SUCLA2: variants seen among roughly 807,000 people sequenced by gnomAD.
SUCLA2 encodes succinate-CoA ligase ADP-forming subunit beta.
In SUCLA2, 30 loss-of-function variants were observed where a neutral mutation model predicts 54.8. The observed-to-expected ratio is 0.55, with a 90% CI of 0.41 to 0.74. The LOEUF (loss-of-function observed/expected upper bound fraction) is 0.74. Ranked by LOEUF, SUCLA2 falls within the 30% of genes least tolerant of loss-of-function variation. The pLI is 0.00. For synonymous variants in SUCLA2, 172 were observed against 188.9 expected, an observed-to-expected ratio of 0.91 and a Z score of 0.74; for missense variants, 476 against 562.9, an observed-to-expected ratio of 0.85 and a Z score of 1.56.
Position 47,943,251 on chromosome 13 carries a change from T to C in SUCLA2, c.*120A>G. ...GTCCAAATCCTTTTAAATGTTTGTG[T>C]GCCTAGATGGCAATTACAATCTCCA... is the stretch of plus-strand genomic sequence containing the variant. On this transcript the variant is annotated 3_prime_UTR_variant, in exon 11 of 11. Transcript: ENST00000646932. 1.0e-6 allele frequency: 1 copy of C among 967,844 alleles called. No homozygotes were observed. Among genetic ancestry groups the C allele is most frequent in the Non-Finnish European group, 1.7e-6 (1 of 595,402 alleles). 60.0% of individuals were successfully genotyped at this position (967,844 alleles called of 1,614,324 possible).
intron 6 of SUCLA2, among the ~76,000 whole-genome samples, chr13:47,955,237 T>G (rs1373994457): frequency 1.3e-5 from 2 of 152,162 alleles, no homozygotes; most frequent in Non-Finnish European, 2.9e-5. Context: ...GGTCTCGTTC[T>G]CACACCCAGA....
In SUCLA2 at chr13:47,943,359, T is replaced by C; in HGVS notation, c.*12A>G. ...ACATTTAACACCTTCAGCCATCCAC[T>C]GGGTTTTCAGATCATATTGGCAACT... On this transcript the variant is annotated 3_prime_UTR_variant, in exon 11 of 11. Transcript: ENST00000646932. 5.0e-6 allele frequency: 8 copies of C among 1,613,256 alleles called. No homozygotes were observed. Among genetic ancestry groups the C allele is most frequent in the Non-Finnish European group, 6.8e-6 (8 of 1,179,300 alleles).
At chr13:47,982,527 T>C (rs1025179952) in intron 4 of SUCLA2, among the ~76,000 whole-genome samples, 3 of 152,112 alleles carry the variant, frequency 2.0e-5, no homozygotes, top group Non-Finnish European at 4.4e-5. Context: ...ATATCTGTTC[T>C]GGAGATGTTG....
intron 2 of SUCLA2, among the ~76,000 whole-genome samples, chr13:47,992,652 T>C (rs1437315339): frequency 6.6e-6 from 1 of 152,240 alleles, no homozygotes; most frequent in African/African-American, 2.4e-5. Flanking sequence ...AAGATCTTTT[T>C]TGGATCCCAA....
chr13:47,988,323 A>G (rs1036109964), intron 4 of SUCLA2: 5 of 554,988 alleles, frequency 9.0e-6, no homozygotes, highest in Non-Finnish European at 1.5e-5. Context: ...ATTACAGCAG[A>G]ATTTTTCCTA....
At chr13:47,996,470 A>G (rs1950192375) in intron 2 of SUCLA2, among the ~76,000 whole-genome samples, 2 of 152,148 alleles carry the variant, frequency 1.3e-5, no homozygotes, top group African/African-American at 2.4e-5. Flanking sequence ...ATAAGCACAT[A>G]AACAGCTAAG....
intron 6 of SUCLA2, among the ~76,000 whole-genome samples, chr13:47,963,522 G>A (rs1315397812): frequency 6.6e-6 from 1 of 152,162 alleles, no homozygotes; most frequent in Non-Finnish European, 1.5e-5. Flanking sequence ...GCACGTGCCT[G>A]TAATCCCAGC....
intron 4 of SUCLA2, among the ~76,000 whole-genome samples, chr13:47,984,971 T>C (rs776024513): frequency 6.6e-6 from 1 of 152,142 alleles, no homozygotes; most frequent in Non-Finnish European, 1.5e-5. Context: ...ATTTATTAAA[T>C]AGACTTGACT....
At chr13:47,997,197 C>G (rs1197305038) in intron 1 of SUCLA2, among the ~76,000 whole-genome samples, 174 bp from the exon 2 acceptor site, 1 of 152,226 alleles carries the variant, frequency 6.6e-6, no homozygotes, top group African/African-American at 2.4e-5. Context: ...CTAAATATCA[C>G]TGTTACCACT....
intron 6 of SUCLA2, among the ~76,000 whole-genome samples, chr13:47,957,208 C>T (rs1311300296): frequency 6.6e-6 from 1 of 152,100 alleles, no homozygotes; most frequent in Admixed American, 6.6e-5. Flanking sequence ...ATATAAACCC[C>T]GAGTTTTAGC....
At chr13:47,999,140 T>C (rs903706352) in intron 1 of SUCLA2, among the ~76,000 whole-genome samples, 1 of 152,190 alleles carries the variant, frequency 6.6e-6, no homozygotes, top group African/African-American at 2.4e-5. Context: ...AATTGGTTAG[T>C]TGGTCAGAGA....
At chr13:47,996,198 T>C (rs1950189082) in intron 2 of SUCLA2, among the ~76,000 whole-genome samples, 1 of 151,508 alleles carries the variant, frequency 6.6e-6, no homozygotes. Flanking sequence ...GTGGTGGTGC[T>C]TGTAATACCA....
intron 4 of SUCLA2, among the ~76,000 whole-genome samples, chr13:47,986,479 C>A (rs757518795): frequency 6.6e-6 from 1 of 152,180 alleles, no homozygotes; most frequent in Non-Finnish European, 1.5e-5. Flanking sequence ...AAAATCTACT[C>A]CCATTCTGCA....
intron 10 of SUCLA2, among the ~76,000 whole-genome samples, chr13:47,944,415 T>C (rs1949712588): frequency 6.6e-6 from 1 of 152,224 alleles, no homozygotes; most frequent in Admixed American, 6.5e-5. Context: ...TGTTCACTTT[T>C]ACCTCTCATG....
rs1949698319 is a variant in SUCLA2, at chr13:47,943,059, G to T, written c.*312C>A. ...ATCTTCGTATTTATCTTATTTATAG[G>T]ACTCTTATCAATGAAGAACTTTGTA... is the stretch of plus-strand genomic sequence containing the variant. On this transcript the variant is annotated 3_prime_UTR_variant, in exon 11 of 11. Transcript: ENST00000646932. 6.0e-6 allele frequency: 2 copies of T among 335,468 alleles called. No individual in the cohort carries two copies. The highest frequency in any genetic ancestry group is 1.1e-5 in the Non-Finnish European group (2 of 178,530). 20.8% of individuals were successfully genotyped at this position (335,468 alleles called of 1,614,324 possible).
chr13:47,963,160 G>A (rs1002003220), intron 6 of SUCLA2, among the ~76,000 whole-genome samples: 2 of 152,280 alleles, frequency 1.3e-5, no homozygotes, highest in South Asian at 4.1e-4. Context: ...GGCTGTCTGC[G>A]CAGCAGGACC....
At chr13:47,972,070 G>A in intron 5 of SUCLA2, 1 of 380,948 alleles carries the variant, frequency 2.6e-6, no homozygotes, top group Non-Finnish European at 4.6e-6. Flanking sequence ...GGCCAACATA[G>A]CAAAACCCCA....
chr13:47,990,624 A>T (rs1950142652), intron 2 of SUCLA2, among the ~76,000 whole-genome samples: 1 of 152,126 alleles, frequency 6.6e-6, no homozygotes. Flanking sequence ...TAAAGGTCTC[A>T]CTGTATTCAT....
intron 6 of SUCLA2, 105 bp from the exon 7 acceptor site, chr13:47,954,662 T>C: frequency 1.7e-6 from 2 of 1,187,724 alleles, no homozygotes; most frequent in South Asian, 1.4e-5. Context: ...CATTTTAATT[T>C]TGTTACTTAA....
Sources: gnomAD v4.1 joint callset for allele counts (sites outside exome capture counted in the v4.1 genomes callset) on GRCh38, gnomAD v4.1.1 for gene constraint, MANE v1.5 for transcripts, NCBI Gene and HGNC (gene_info 2026-07-23, HGNC 2026-07-21) for gene names.